Variants in SLTM observed in about 807,000 individuals in gnomAD.
The protein encoded by SLTM is SAFB-like transcription modulator.
Under a neutral mutation model 134.6 loss-of-function variants are expected in SLTM, and 43 were observed. That is an observed-to-expected ratio of 0.32 (90% confidence interval 0.25 to 0.41). SLTM has a LOEUF of 0.41. SLTM is among the 10% of genes least tolerant of loss of function. The pLI is 1.00. For missense variants in SLTM, 1,055 were observed against 1,288.8 expected (o/e 0.82, Z 2.78); for synonymous variants, 424 against 432.3 (o/e 0.98, Z 0.24).
In SLTM at chr15:58,887,001, T is replaced by C; in HGVS notation, c.2809A>G (p.Ile937Val). ...TGTGATCCACCTCCTCGGTCTGTGA[T>C]GACTCCTCTGTCTCCCTCTCTGCTC... ...YGSREGDRGV[I>V]TDRGGGSQHY... Residue 937 changes from isoleucine to valine, a missense_variant, in exon 19 of 21, where the codon ATC becomes GTC. Ile to Val is a conservative substitution (Grantham distance 29, BLOSUM62 3). Transcript: ENST00000380516. 6.2e-7 allele frequency: 1 copy of C among 1,612,768 alleles called. No homozygotes were observed. Among genetic ancestry groups the C allele is most frequent in the South Asian group, 1.1e-5 (1 of 91,024 alleles).
intron 6 of SLTM, chr15:58,900,786 G>A (rs1279059182): frequency 8.5e-5 from 14 of 165,252 alleles, no homozygotes; most frequent in Admixed American, 3.8e-4. Context: ...GAGACAGCTC[G>A]TCTAAACTAA....
Position 58,916,951 on chromosome 15 carries a change from T to C in SLTM, c.299A>G (p.Asp100Gly), listed in dbSNP as rs754467109. 6.2e-7 allele frequency: 1 copy of C among 1,613,840 alleles called. No homozygotes were observed. The highest frequency in any genetic ancestry group is 2.2e-5 in the East Asian group (1 of 44,840). The change falls in exon 3 of 21, where the codon GAT becomes GGT. Residue 100 changes from aspartate (D) to glycine (G), a missense_variant. Physicochemically the swap from Asp to Gly is moderately conservative, Grantham distance 94 (BLOSUM62 -1). Coordinates refer to ENST00000380516, the MANE Select transcript of SLTM (RefSeq NM_024755.4). ...ACACTTTACCTTGATAAAAGCATCA[T>C]CTTCCACAGAAGCATCTCCACTCAA... ...DELSGDASVEDDAFIKDCELE... is the reference protein window; with the variant it reads ...DELSGDASVEGDAFIKDCELE...
At chr15:58,911,243 C>A (rs1336443274) in intron 5 of SLTM, among the ~76,000 whole-genome samples, 1 of 152,196 alleles carries the variant, frequency 6.6e-6, no homozygotes, top group Non-Finnish European at 1.5e-5. Context: ...TTGTGGCTCA[C>A]TAGCATTTCA....
chr15:58,933,609 G>A lies in SLTM; in HGVS notation c.-44C>T. 6.6e-7 allele frequency: 1 copy of A among 1,508,480 alleles called. No individual in the cohort carries two copies. Among genetic ancestry groups the A allele is most frequent in the Non-Finnish European group, 8.9e-7 (1 of 1,128,952 alleles). The allele number at this position is 1,508,480 out of a possible 1,614,324, so 93.4% of individuals were successfully genotyped here. On this transcript the variant is annotated 5_prime_UTR_variant, in exon 1 of 21. Transcript: ENST00000380516. ...TGCCGAGGCAGCGAGTGGGCTGCAGGGCGGCGGCAGCAGCGCCAACTTCCA... is the reference window on the plus strand; with the variant it reads ...TGCCGAGGCAGCGAGTGGGCTGCAGAGCGGCGGCAGCAGCGCCAACTTCCA...
chr15:58,893,046 ACTT>A lies in SLTM; in HGVS notation c.1746_1748del (p.Arg582del). On this transcript the variant is annotated inframe_deletion, in exon 14 of 21. Transcript: ENST00000380516. Reference sequence around the variant, plus strand: ...CTAGACTAGCTCTCTCCTTTTCCTTACTTCTTCCATGAATCTGTAGAAAAAAAT... The same window carrying A: ...CTAGACTAGCTCTCTCCTTTTCCTTACTTCCATGAATCTGTAGAAAAAAAT... 6.3e-7 allele frequency: 1 copy of A among 1,580,736 alleles called. No homozygotes were observed. Among genetic ancestry groups the A allele is most frequent in the East Asian group, 2.2e-5 (1 of 44,530 alleles).
chr15:58,889,565 C>T lies in SLTM; in HGVS notation c.2080-11G>A, dbSNP rs768302969. ...TTCCTTACGACGTTCCTTCAGACAA[C>T]ACAGAATGAAGAACCAACCAAGGCA... On this transcript the variant is annotated splice_polypyrimidine_tract_variant and intron_variant, in intron 15 of 20. Transcript: ENST00000380516. 1.9e-6 allele frequency: 3 copies of T among 1,613,436 alleles called. No individual in the cohort carries two copies. The highest frequency in any genetic ancestry group is 1.3e-5 in the African/African-American group (1 of 74,882).
intron 1 of SLTM, 25 bp from the exon 2 acceptor site, chr15:58,932,468 T>C (rs771232738): frequency 2.7e-6 from 4 of 1,481,454 alleles, no homozygotes; most frequent in South Asian, 2.3e-5. Context: ...GAAGTTAATA[T>C]GCTACACAAT....
intron 5 of SLTM, among the ~76,000 whole-genome samples, chr15:58,908,378 G>GT (rs1216302934): frequency 2.0e-5 from 3 of 151,406 alleles, no homozygotes; most frequent in Non-Finnish European, 4.4e-5. Flanking sequence ...ATTTTCTACT[G>GT]TTTTTTGAGA....
chr15:58,933,308 C>T, intron 1 of SLTM, 96 bp downstream of exon 1: 1 of 1,376,238 alleles, frequency 7.3e-7, no homozygotes, highest in Non-Finnish European at 9.6e-7. Flanking sequence ...CAGGTCCCAG[C>T]GGCTGCGGGC....
intron 2 of SLTM, among the ~76,000 whole-genome samples, chr15:58,924,351 A>G (rs749373135): frequency 6.6e-6 from 1 of 152,240 alleles, no homozygotes; most frequent in Non-Finnish European, 1.5e-5. Flanking sequence ...GAAAGACAAG[A>G]CTATAAACAT....
At chr15:58,894,667 C>A in intron 9 of SLTM, 85 bp from the exon 10 acceptor site, 5 of 1,205,868 alleles carry the variant, frequency 4.1e-6, no homozygotes, top group Non-Finnish European at 6.0e-6. Flanking sequence ...ACAACTGAAA[C>A]TATATATTAA....
chr15:58,913,501 G>A lies in SLTM; in HGVS notation c.511C>T (p.Gln171Ter). 1 of 1,602,894 alleles carries A rather than the reference G, an allele frequency of 6.2e-7. No homozygotes were observed. The highest frequency in any genetic ancestry group is 8.5e-7 in the Non-Finnish European group (1 of 1,176,532). ...TTTAAAAAAAACTGGCTAAAGACCTGACTTTCGATGTCCTCTTTTTCTATA... is the reference window on the plus strand; with the variant it reads ...TTTAAAAAAAACTGGCTAAAGACCTAACTTTCGATGTCCTCTTTTTCTATA... ...EDIEKEDIES[Q>*]EIEAQEGEDD... The change falls in exon 4 of 21, where the codon CAG becomes TAG. Residue 171 changes from glutamine (Q) to a stop codon, truncating the protein, a stop_gained and splice_region_variant. Coordinates refer to ENST00000380516, the MANE Select transcript of SLTM (RefSeq NM_024755.4). LOFTEE classifies it high-confidence loss of function.
intron 16 of SLTM, 156 bp downstream of exon 16, chr15:58,889,274 T>G (rs1417299125): frequency 4.9e-6 from 4 of 820,132 alleles, no homozygotes; most frequent in Non-Finnish European, 7.4e-6. Context: ...CACTTGCTAG[T>G]GCACTGGGTC....
At chr15:58,897,433 AT>A in intron 8 of SLTM, 200 bp from the exon 9 acceptor site, 1 of 481,694 alleles carries the variant, frequency 2.1e-6, no homozygotes, top group Non-Finnish European at 3.7e-6. Flanking sequence ...TACATTTCCT[AT>A]TGTATGAGTT....
Position 58,894,112 on chromosome 15 carries a change from T to A in SLTM, c.1459A>T (p.Asn487Tyr), listed in dbSNP as rs2034884976. 6.2e-7 allele frequency: 1 copy of A among 1,607,256 alleles called. No homozygotes were observed. Among genetic ancestry groups the A allele is most frequent in the Non-Finnish European group, 8.5e-7 (1 of 1,177,510 alleles). Reference sequence around the variant, plus strand: ...TACTTGCTACTTCTATCACTCGTATTTTTTTTATCTCCAGAACTTCTTGAA... The same window carrying A: ...TACTTGCTACTTCTATCACTCGTATATTTTTTATCTCCAGAACTTCTTGAA... ...SSSRSSGDKKNTSDRSSKTQA... is the reference protein window; with the variant it reads ...SSSRSSGDKKYTSDRSSKTQA... Residue 487 changes from asparagine to tyrosine, a missense_variant, in exon 11 of 21, where the codon AAT becomes TAT. Physicochemically the swap from Asn to Tyr is moderately radical, Grantham distance 143 (BLOSUM62 -2). Around this residue, in one of 3 missense-constraint regions of SLTM, gnomAD observed 776 missense variants for 962.2 expected, o/e 0.81. Transcript: ENST00000380516.
intron 5 of SLTM, among the ~76,000 whole-genome samples, chr15:58,905,192 A>C (rs1331980215): frequency 6.6e-6 from 1 of 152,250 alleles, no homozygotes; most frequent in African/African-American, 2.4e-5. Context: ...ACTTTTAAGC[A>C]TTATGTGTCC....
At chr15:58,881,872 C>CA (rs1273839754) in intron 20 of SLTM, among the ~76,000 whole-genome samples, 5 of 151,876 alleles carry the variant, frequency 3.3e-5, no homozygotes, top group Non-Finnish European at 7.4e-5. Flanking sequence ...ACTGGGATTA[C>CA]AGGCATGAGC....
At position 58,892,762 on chromosome 15, in the gene SLTM, T is replaced by A; in HGVS notation, c.1898+135A>T. On this transcript the variant is annotated intron_variant, in intron 14 of 20. Transcript: ENST00000380516. ...AGTGCTATGCAAACTTAAGAAATCA[T>A]TAGATGCTACCGTAACTTCTTTAAG... 3.5e-6 allele frequency: 3 copies of A among 866,312 alleles called. No individual in the cohort carries two copies. The South Asian group carries it at 4.7e-5, about 14-fold the overall frequency. The allele number at this position is 866,312 out of a possible 1,614,324, so 53.7% of individuals were successfully genotyped here.
In SLTM at chr15:58,893,881, TATC is replaced by T; in HGVS notation, c.1585_1587del (p.Asp529del). 1 of 1,613,436 alleles carries T rather than the reference TATC, an allele frequency of 6.2e-7. No homozygotes were observed. Among genetic ancestry groups the T allele is most frequent in the South Asian group, 1.1e-5 (1 of 90,818 alleles). On this transcript the variant is annotated inframe_deletion, in exon 12 of 21. Coordinates refer to ENST00000380516, the MANE Select transcript of SLTM (RefSeq NM_024755.4). ...TCTGATGTTTGGCCACTTGCTCCAT[TATC>T]ATTCTTCTCATCTTTACCTTCTATT...
Sources: allele counts gnomAD v4.1 joint callset (sites outside exome capture counted in the v4.1 genomes callset), GRCh38; gene constraint gnomAD v4.1.1; regional missense constraint gnomAD v4.1.1; transcripts MANE v1.5; gene names NCBI Gene and HGNC (gene_info 2026-07-23, HGNC 2026-07-21).